VPS37A: variants seen among roughly 807,000 people sequenced by gnomAD.
The protein encoded by VPS37A is VPS37A subunit of ESCRT-I.
Under a neutral mutation model 49.8 loss-of-function variants are expected in VPS37A, and 30 were observed. The ratio of observed to expected loss-of-function variants is 0.60; its 90% confidence interval spans 0.45 to 0.82. The LOEUF (loss-of-function observed/expected upper bound fraction) is 0.82, where lower values mean the gene tolerates loss of function less well. VPS37A is among the 40% of genes least tolerant of loss of function. The pLI is 0.00. For synonymous variants in VPS37A, 195 were observed against 160.6 expected (o/e 1.21, Z -1.62); for missense variants, 593 against 464.4 (o/e 1.28, Z -2.55).
At chr8:17,286,466 A>C in intron 11 of VPS37A, 39 bp downstream of exon 11, 3 of 1,570,496 alleles carry the variant, frequency 1.9e-6, no homozygotes, top group Non-Finnish European at 1.7e-6. Context: ...AGGTGATTGC[A>C]TCAGTGTTCT....
chr8:17,250,368 GAACA>G (rs1253854156), intron 1 of VPS37A, among the ~76,000 whole-genome samples: 4 of 152,246 alleles, frequency 2.6e-5, no homozygotes, highest in African/African-American at 9.6e-5. Context: ...ATTTTTGTGC[GAACA>G]GACAGATTGG....
chr8:17,258,588 G>A (rs1285545093), intron 1 of VPS37A, among the ~76,000 whole-genome samples: 1 of 151,956 alleles, frequency 6.6e-6, no homozygotes, highest in Non-Finnish European at 1.5e-5. Flanking sequence ...CTGTAATATT[G>A]GCCTGTAGTT....
downstream of VPS37A, chr8:17,300,070 C>T (rs781475753): frequency 1.2e-5 from 19 of 1,613,956 alleles, no homozygotes; most frequent in African/African-American, 4.0e-5. Flanking sequence ...TGAAGGGCTC[C>T]GGGATGGAAA....
intron 11 of VPS37A, among the ~76,000 whole-genome samples, chr8:17,293,391 A>G (rs1023032464): frequency 3.9e-5 from 6 of 151,942 alleles, no homozygotes; most frequent in Non-Finnish European, 8.8e-5. Flanking sequence ...GCTTCCTTGC[A>G]TTGAGTTAGA....
chr8:17,280,954 A>G (rs1814998956), intron 9 of VPS37A, among the ~76,000 whole-genome samples: 1 of 152,012 alleles, frequency 6.6e-6, no homozygotes, highest in African/African-American at 2.4e-5. Flanking sequence ...GAACCAGAGG[A>G]CATAATCTTT....
chr8:17,264,766 T>C lies in VPS37A; in HGVS notation c.126-1141T>C, dbSNP rs558813202. ...CATGCTTGAAGAAGTTTCATGTTCA[T>C]TTCAATATTAAGCTTCCTCTGCAAC... On this transcript the variant is annotated intron_variant, in intron 1 of 11. Coordinates refer to ENST00000324849, the MANE Select transcript of VPS37A (RefSeq NM_152415.3). 8.5e-5 allele frequency among the ~76,000 whole-genome samples: 13 copies of C among 152,310 alleles called. No homozygotes were observed. The South Asian group carries it at 2.7e-3, about 32-fold the overall frequency.
At chr8:17,305,947 G>A, downstream of VPS37A, 1 of 1,612,540 alleles carries the variant, frequency 6.2e-7, no homozygotes, top group Non-Finnish European at 8.5e-7. Flanking sequence ...TCACCATCTA[G>A]ATTGCCATAT....
intron 4 of VPS37A, among the ~76,000 whole-genome samples, chr8:17,274,461 T>C (rs1814310636): frequency 6.6e-6 from 1 of 152,072 alleles, no homozygotes; most frequent in Non-Finnish European, 1.5e-5. Context: ...CCACTTCTAC[T>C]CCGTCCAGTT....
At chr8:17,300,998 C>A (rs762808758), downstream of VPS37A, among the ~76,000 whole-genome samples, 1 of 152,212 alleles carries the variant, frequency 6.6e-6, no homozygotes, top group Admixed American at 6.5e-5. Context: ...ATGGATATAC[C>A]AGATTTTGTT....
intron 9 of VPS37A, among the ~76,000 whole-genome samples, chr8:17,280,757 T>G (rs916219576): frequency 2.6e-5 from 4 of 151,916 alleles, no homozygotes; most frequent in African/African-American, 9.7e-5. Context: ...AACTTTCGAC[T>G]CACTTGTAAG....
chr8:17,310,896 C>G, the VPS37A span, among the ~76,000 whole-genome samples: 1 of 152,238 alleles, frequency 6.6e-6, no homozygotes, highest in African/African-American at 2.4e-5. Flanking sequence ...GAAAACTTCA[C>G]CATCCCAGGC....
At chr8:17,293,416 C>G (rs552976077) in intron 11 of VPS37A, among the ~76,000 whole-genome samples, 62 of 152,178 alleles carry the variant, frequency 4.1e-4, no homozygotes, top group African/African-American at 1.4e-3. Context: ...GCTCCTTTAG[C>G]TCTAAGGAGT....
chr8:17,331,046 A>G, the VPS37A span: 2 of 1,352,456 alleles, frequency 1.5e-6, no homozygotes, highest in Middle Eastern at 1.8e-4. Flanking sequence ...TTCCCAAATT[A>G]TCACACCTAT....
intron 1 of VPS37A, among the ~76,000 whole-genome samples, chr8:17,256,464 C>G (rs1252114081): frequency 6.6e-6 from 1 of 151,340 alleles, no homozygotes; most frequent in African/African-American, 2.4e-5. Flanking sequence ...TTGTTGAGAT[C>G]TTTTGCCAAT....
chr8:17,280,961 C>T (rs1369928615), intron 9 of VPS37A, among the ~76,000 whole-genome samples: 1 of 151,808 alleles, frequency 6.6e-6, no homozygotes, highest in East Asian at 1.9e-4. Context: ...AGGACATAAT[C>T]TTTGTATCAT....
the VPS37A span, chr8:17,309,254 A>T: frequency 1.4e-6 from 2 of 1,436,272 alleles, no homozygotes; most frequent in Admixed American, 3.7e-5. Context: ...TAAACATTCA[A>T]AACAGTCTTA....
chr8:17,283,992 T>G (rs1815349078), intron 9 of VPS37A, among the ~76,000 whole-genome samples: 1 of 152,214 alleles, frequency 6.6e-6, no homozygotes, highest in African/African-American at 2.4e-5. Flanking sequence ...ATGTCTTCAA[T>G]TTCTTATAGC....
intron 5 of VPS37A, among the ~76,000 whole-genome samples, chr8:17,275,458 G>T (rs1814431209): frequency 6.6e-6 from 1 of 152,186 alleles, no homozygotes; most frequent in South Asian, 2.1e-4. Flanking sequence ...CATTGAGGTA[G>T]AAACTGGATG....
chr8:17,319,439 C>T, the VPS37A span, among the ~76,000 whole-genome samples: 3 of 152,046 alleles, frequency 2.0e-5, no homozygotes, highest in South Asian at 2.1e-4. Flanking sequence ...GCTGAAGCTC[C>T]GAAAAGTTAA....
Sources: allele counts gnomAD v4.1 joint callset (sites outside exome capture counted in the v4.1 genomes callset), GRCh38; gene constraint gnomAD v4.1.1; transcripts MANE v1.5; gene names NCBI Gene and HGNC (gene_info 2026-07-23, HGNC 2026-07-21).